The following MAGI2 variants were observed in gnomAD, a reference collection of about 807,000 sequenced individuals.
MAGI2 encodes membrane associated guanylate kinase, WW and PDZ domain containing 2.
Under a neutral mutation model 133.3 loss-of-function variants are expected in MAGI2, and 35 were observed. The observed-to-expected ratio is 0.26, with a 90% CI of 0.20 to 0.35. The LOEUF (loss-of-function observed/expected upper bound fraction) is 0.35, where lower values mean the gene tolerates loss of function less well. Among genes scored for constraint, MAGI2 ranks in the 10% least tolerant of loss-of-function variants. The probability of loss-of-function intolerance (pLI) is 1.00; values close to 1 mark genes in which losing one functional copy is unlikely to be tolerated. For missense variants in MAGI2, 1,636 were observed against 1,863.4 expected (o/e 0.88, Z 2.25); for synonymous variants, 729 against 710.6 (o/e 1.03, Z -0.41).
intron 2 of MAGI2, among the ~76,000 whole-genome samples, chr7:78,763,821 C>G (rs1824752974): frequency 6.6e-6 from 1 of 152,212 alleles, no homozygotes; most frequent in African/African-American, 2.4e-5. Context: ...AATAATTTAT[C>G]TAGAAACCTA....
intron 2 of MAGI2, among the ~76,000 whole-genome samples, chr7:78,742,065 T>C (rs535474410): frequency 1.3e-5 from 2 of 152,102 alleles, no homozygotes; most frequent in South Asian, 4.2e-4. Flanking sequence ...GTAATTGCAT[T>C]GGGTAGAACC....
intron 3 of MAGI2, among the ~76,000 whole-genome samples, chr7:78,536,365 GCCTCCCA>G (rs1272285085): frequency 2.6e-5 from 4 of 151,748 alleles, no homozygotes; most frequent in Non-Finnish European, 4.4e-5. Context: ...GCCCGCCTCG[GCCTCCCA>G]AAGTGCTGGG....
intron 1 of MAGI2, among the ~76,000 whole-genome samples, chr7:79,061,525 C>A (rs1285651566): frequency 6.6e-6 from 1 of 151,708 alleles, no homozygotes; most frequent in Non-Finnish European, 1.5e-5. Flanking sequence ...AAATAAGGAC[C>A]CGCTCAGGCT....
chr7:78,930,488 A>G (rs1800029129), intron 2 of MAGI2, among the ~76,000 whole-genome samples: 1 of 152,062 alleles, frequency 6.6e-6, no homozygotes, highest in African/African-American at 2.4e-5. Context: ...TCAGAAACAC[A>G]AGGTCAGTCA....
intron 1 of MAGI2, among the ~76,000 whole-genome samples, chr7:79,120,711 G>C (rs1029038571): frequency 6.6e-6 from 1 of 151,996 alleles, no homozygotes; most frequent in Non-Finnish European, 1.5e-5. Flanking sequence ...TTTGTTACTT[G>C]AATGACTCAT....
At chr7:78,737,393 C>CA (rs1821966390) in intron 2 of MAGI2, among the ~76,000 whole-genome samples, 1 of 152,060 alleles carries the variant, frequency 6.6e-6, no homozygotes, top group Non-Finnish European at 1.5e-5. Flanking sequence ...TAACTGAGTA[C>CA]AAAAAATAAA....
chr7:78,501,490 T>TC (rs1348814076), intron 5 of MAGI2, 87 bp downstream of exon 5: 1 of 1,193,304 alleles, frequency 8.4e-7, no homozygotes. Context: ...TTTTCTTTTT[T>TC]TTTTTTTTTC....
chr7:78,541,249 C>A (rs1299904512), intron 3 of MAGI2, among the ~76,000 whole-genome samples: 1 of 152,052 alleles, frequency 6.6e-6, no homozygotes, highest in Non-Finnish European at 1.5e-5. Context: ...GAAAGAATTA[C>A]CCTTTTAAAA....
chr7:78,551,257 G>A (rs1319743886), intron 3 of MAGI2, among the ~76,000 whole-genome samples: 7 of 152,150 alleles, frequency 4.6e-5, no homozygotes, highest in Non-Finnish European at 8.8e-5. Flanking sequence ...TTACTTTAGT[G>A]GGTTGTTTAA....
intron 2 of MAGI2, among the ~76,000 whole-genome samples, chr7:78,829,558 A>C (rs1482500966): frequency 6.6e-6 from 1 of 152,054 alleles, no homozygotes; most frequent in Non-Finnish European, 1.5e-5. Flanking sequence ...AATGATTTTA[A>C]CAAGTATATC....
chr7:78,491,754 T>C (rs138895516), intron 5 of MAGI2, among the ~76,000 whole-genome samples: 1 of 152,008 alleles, frequency 6.6e-6, no homozygotes, highest in Non-Finnish European at 1.5e-5. Flanking sequence ...AGCTTGAGGA[T>C]GCAGGTTCTG....
chr7:78,105,915 T>C (rs541897390), intron 20 of MAGI2, among the ~76,000 whole-genome samples: 3 of 152,230 alleles, frequency 2.0e-5, no homozygotes, highest in East Asian at 3.9e-4. Context: ...TTGTTGACTA[T>C]AGTCACCCTG....
intron 9 of MAGI2, among the ~76,000 whole-genome samples, chr7:78,265,358 T>C (rs1793894458): frequency 6.6e-6 from 1 of 152,196 alleles, no homozygotes; most frequent in African/African-American, 2.4e-5. Flanking sequence ...CAAAAGACTG[T>C]TTCTTGCAAA....
intron 20 of MAGI2, among the ~76,000 whole-genome samples, chr7:78,090,243 C>T (rs1817054584): frequency 6.6e-6 from 1 of 152,246 alleles, no homozygotes; most frequent in Non-Finnish European, 1.5e-5. Flanking sequence ...CTTACAGTCA[C>T]ACTGCCTGTT....
intron 1 of MAGI2, among the ~76,000 whole-genome samples, chr7:79,262,179 C>T (rs900799451): frequency 1.3e-5 from 2 of 152,152 alleles, no homozygotes; most frequent in Non-Finnish European, 2.9e-5. Flanking sequence ...CTACTTTGCC[C>T]TTCCTTCTCT....
At chr7:79,056,626 G>T (rs1379745371) in intron 1 of MAGI2, among the ~76,000 whole-genome samples, 6 of 151,990 alleles carry the variant, frequency 3.9e-5, no homozygotes, top group African/African-American at 1.5e-4. Context: ...CTTCTAATTG[G>T]GTAGATGAGA....
chr7:78,387,917 C>T (rs1459106607), intron 6 of MAGI2, among the ~76,000 whole-genome samples: 1 of 149,856 alleles, frequency 6.7e-6, no homozygotes, highest in Non-Finnish European at 1.5e-5. Context: ...CGAAGTGAAA[C>T]TCTGTCTCAA....
At chr7:78,113,000 G>C (rs993143595) in intron 20 of MAGI2, among the ~76,000 whole-genome samples, 4 of 152,142 alleles carry the variant, frequency 2.6e-5, no homozygotes, top group Non-Finnish European at 5.9e-5. Context: ...GGGAACGGGT[G>C]GGGGAAGAGC....
At chr7:79,035,302 CA>C (rs1261985191) in intron 1 of MAGI2, among the ~76,000 whole-genome samples, 2 of 151,962 alleles carry the variant, frequency 1.3e-5, no homozygotes, top group African/African-American at 4.8e-5. Flanking sequence ...CTACCAGCAT[CA>C]TTTTAGTTTT....
Sources: gnomAD v4.1 joint callset for allele counts (sites outside exome capture counted in the v4.1 genomes callset) on GRCh38, gnomAD v4.1.1 for gene constraint, MANE v1.5 for transcripts, NCBI Gene and HGNC (gene_info 2026-07-23, HGNC 2026-07-21) for gene names.